The following NUP153 variants were observed in gnomAD, a reference collection of about 807,000 sequenced individuals.
NUP153 encodes the protein nucleoporin 153.
In NUP153, 27 loss-of-function variants were observed where a neutral mutation model predicts 134.6. The ratio of observed to expected loss-of-function variants is 0.20; its 90% confidence interval spans 0.15 to 0.28. The LOEUF (loss-of-function observed/expected upper bound fraction) is 0.28. Ranked by LOEUF, NUP153 falls within the 10% of genes least tolerant of loss-of-function variation. The pLI is 1.00. For synonymous variants in NUP153, 640 were observed against 623.5 expected, an observed-to-expected ratio of 1.03 and a Z score of -0.40; for missense variants, 1,821 against 1,731.3, an observed-to-expected ratio of 1.05 and a Z score of -0.92.
chr6:17,651,104 G>A (rs1443777178), intron 11 of NUP153, among the ~76,000 whole-genome samples: 1 of 152,098 alleles, frequency 6.6e-6, no homozygotes, highest in Non-Finnish European at 1.5e-5. Context: ...TTCGAGACCA[G>A]TCTGGGCAAC....
intron 8 of NUP153, among the ~76,000 whole-genome samples, chr6:17,668,474 T>C (rs964976445): frequency 1.4e-4 from 22 of 152,016 alleles, no homozygotes; most frequent in Admixed American, 3.9e-4. Context: ...CAAAAAAAAA[T>C]TGGATGAGTA....
At chr6:17,694,806 G>A (rs1199806247) in intron 1 of NUP153, among the ~76,000 whole-genome samples, 7 of 151,890 alleles carry the variant, frequency 4.6e-5, no homozygotes, top group African/African-American at 1.5e-4. Context: ...GTGAAACCCC[G>A]TCTCTACTAA....
chr6:17,633,577 A>G (rs575036227), intron 16 of NUP153, among the ~76,000 whole-genome samples: 1 of 152,352 alleles, frequency 6.6e-6, no homozygotes, highest in South Asian at 2.1e-4. Flanking sequence ...CCAAGTGACA[A>G]CCTAAAACAA....
chr6:17,645,300 T>C (rs962039352), intron 14 of NUP153, among the ~76,000 whole-genome samples: 3 of 150,864 alleles, frequency 2.0e-5, no homozygotes, highest in African/African-American at 7.4e-5. Context: ...CATTCATTTC[T>C]TTCTTTTTTT....
intron 1 of NUP153, among the ~76,000 whole-genome samples, chr6:17,703,280 C>G (rs1382264071): frequency 6.6e-6 from 1 of 151,188 alleles, no homozygotes; most frequent in Non-Finnish European, 1.5e-5. Context: ...AGAGCTAAAC[C>G]CAGAAGTCAA....
At chr6:17,627,429 T>C (rs1327849451) in intron 18 of NUP153, among the ~76,000 whole-genome samples, 1 of 152,230 alleles carries the variant, frequency 6.6e-6, no homozygotes, top group Non-Finnish European at 1.5e-5. Flanking sequence ...TTCATGGATA[T>C]TCAACTTTTG....
At chr6:17,658,104 A>C (rs190517618) in intron 11 of NUP153, among the ~76,000 whole-genome samples, 10 of 152,348 alleles carry the variant, frequency 6.6e-5, no homozygotes, top group African/African-American at 2.4e-4. Context: ...TGGTTAAAGA[A>C]GTTTTGCAAA....
chr6:17,632,608 G>A, intron 17 of NUP153, 42 bp downstream of exon 17: 1 of 1,495,398 alleles, frequency 6.7e-7, no homozygotes, highest in Non-Finnish European at 9.0e-7. Context: ...CTTACAAAAA[G>A]GCGCTTTACC....
chr6:17,617,712 G>T (rs1764409570), intron 20 of NUP153, among the ~76,000 whole-genome samples: 1 of 152,020 alleles, frequency 6.6e-6, no homozygotes, highest in Non-Finnish European at 1.5e-5. Flanking sequence ...AGGCGTAGTG[G>T]CGTGCACCTG....
intron 1 of NUP153, among the ~76,000 whole-genome samples, chr6:17,704,050 C>T (rs1013882947): frequency 6.6e-6 from 1 of 152,108 alleles, no homozygotes; most frequent in Non-Finnish European, 1.5e-5. Flanking sequence ...CCCAGCACTT[C>T]GGGAGGCCGA....
chr6:17,703,656 A>T (rs1228042439), intron 1 of NUP153, among the ~76,000 whole-genome samples: 3 of 74,174 alleles, frequency 4.0e-5, no homozygotes, highest in East Asian at 4.6e-4. Context: ...TTTTAAGATT[A>T]AAAAAAAAAA....
intron 12 of NUP153, among the ~76,000 whole-genome samples, chr6:17,648,433 A>G (rs575349248): frequency 2.0e-5 from 3 of 152,250 alleles, no homozygotes; most frequent in South Asian, 2.1e-4. Flanking sequence ...CCTAACCAAC[A>G]TGGTGAAACC....
In NUP153 at chr6:17,628,789, T is replaced by G; in HGVS notation, c.3410A>C (p.Asn1137Thr). Residue 1137 changes from asparagine to threonine, a missense_variant, in exon 18 of 22, where the codon AAT becomes ACT. Coordinates refer to ENST00000262077, the MANE Select transcript of NUP153 (RefSeq NM_005124.4). This position sits in a 1 kb window ranked among gnomAD's most constrained non-coding sequence, Gnocchi z 5.4. ...ATTCTCATCTTTGGTTTGCTCTGAA[T>G]TCCCAAAGGAAAACACTGGTTGACA... ...PKCQPVFSFG[N>T]SEQTKDENSS... 1.2e-6 allele frequency: 2 copies of G among 1,614,192 alleles called. No individual in the cohort carries two copies. Among genetic ancestry groups the G allele is most frequent in the Non-Finnish European group, 1.7e-6 (2 of 1,180,012 alleles).
In NUP153 at chr6:17,646,050, A is replaced by T; in HGVS notation, c.1720+17T>A. The T allele has an allele frequency of 1.7e-6, 2 of 1,206,520 alleles. No homozygotes were observed. The highest frequency in any genetic ancestry group is 2.4e-6 in the Non-Finnish European group (2 of 825,110). The allele number at this position is 1,206,520 out of a possible 1,614,324, so 74.7% of individuals were successfully genotyped here. On this transcript the variant is annotated intron_variant, in intron 14 of 21. Transcript: ENST00000262077. ...TGCAATTGTTTGTATGTTAAAATGT[A>T]AGAAATTTTTACTTACCTGAACTAC...
At chr6:17,636,130 C>G (rs1765536635) in intron 16 of NUP153, among the ~76,000 whole-genome samples, 1 of 152,042 alleles carries the variant, frequency 6.6e-6, no homozygotes, top group African/African-American at 2.4e-5. Context: ...TGTCAGGAGT[C>G]CAAGACCAGC....
intron 8 of NUP153, among the ~76,000 whole-genome samples, chr6:17,668,671 T>C (rs1006933011): frequency 5.9e-5 from 9 of 151,760 alleles, no homozygotes; most frequent in Non-Finnish European, 1.0e-4. Context: ...GGTGAAACCC[T>C]ATCTCTACTA....
chr6:17,643,243 C>T (rs115095834), intron 14 of NUP153, among the ~76,000 whole-genome samples: 220 of 152,286 alleles, frequency 1.4e-3, no homozygotes, highest in African/African-American at 5.1e-3. Flanking sequence ...GACGCCTAGG[C>T]GGCCAGATCA....
At chr6:17,701,847 A>AGGGGGG (rs1554148736) in intron 1 of NUP153, among the ~76,000 whole-genome samples, 10 of 78,110 alleles carry the variant, frequency 1.3e-4, no homozygotes, top group African/African-American at 1.8e-4. Context: ...GGGGGGGGAA[A>AGGGGGG]AAAGCTAAAT....
Position 17,616,579 on chromosome 6 carries a change from A to T in NUP153, c.4291T>A (p.Ser1431Thr). Residue 1431 changes from serine to threonine, a missense_variant, in exon 21 of 22, where the codon TCA (serine) becomes ACA (threonine). Ser to Thr is a moderately conservative substitution (Grantham distance 58). Transcript: ENST00000262077. ...SSTPAASAQPSGSGGFPFNQS... is the reference protein window; with the variant it reads ...SSTPAASAQPTGSGGFPFNQS... Reference sequence around the variant, plus strand: ...TTAAATGGAAAGCCCCCCGAGCCTGAAGGCTGGGCTGAGGCTGCAGGTGTG... The same window carrying T: ...TTAAATGGAAAGCCCCCCGAGCCTGTAGGCTGGGCTGAGGCTGCAGGTGTG... 1 of 1,614,172 alleles carries T rather than the reference A, an allele frequency of 6.2e-7. No individual in the cohort carries two copies. The highest frequency in any genetic ancestry group is 8.5e-7 in the Non-Finnish European group (1 of 1,180,000).
Sources: allele counts gnomAD v4.1 joint callset (sites outside exome capture counted in the v4.1 genomes callset), GRCh38; gene constraint gnomAD v4.1.1; non-coding constraint Gnocchi (gnomAD v3.1); transcripts MANE v1.5; gene names NCBI Gene and HGNC (gene_info 2026-07-23, HGNC 2026-07-21).